Variants in CCDC171 observed in about 807,000 individuals in gnomAD.
The protein encoded by CCDC171 is coiled-coil domain-containing protein 171.
A neutral mutation model predicts 168.2 loss-of-function variants in CCDC171; 177 were observed. The ratio of observed to expected loss-of-function variants is 1.05; its 90% CI spans 0.93 to 1.19. CCDC171 has a LOEUF of 1.19. Ranked by LOEUF, CCDC171 falls within the 50% of genes most tolerant of loss-of-function variation. CCDC171 has a pLI of 0.00. For synonymous variants in CCDC171, 687 were observed against 540.8 expected (o/e 1.27, Z -3.75); for missense variants, 1,991 against 1,539.0 (o/e 1.29, Z -4.91).
At chr9:15,784,399 T>C (rs1472440431) in intron 20 of CCDC171, 110 bp from the exon 21 acceptor site, 5 of 547,088 alleles carry the variant, frequency 9.1e-6, no homozygotes, top group Non-Finnish European at 1.5e-5. Flanking sequence ...TTTTTTAATG[T>C]ATCAAGTGCC....
the CCDC171 span, among the ~76,000 whole-genome samples, chr9:16,074,777 C>G: frequency 6.6e-6 from 1 of 152,014 alleles, no homozygotes; most frequent in Non-Finnish European, 1.5e-5. Flanking sequence ...AAAATAAACT[C>G]AAAATTACTG....
chr9:15,931,065 T>G (rs1826448156), intron 25 of CCDC171, among the ~76,000 whole-genome samples: 1 of 151,750 alleles, frequency 6.6e-6, no homozygotes, highest in Non-Finnish European at 1.5e-5. Flanking sequence ...AGCTATCTCT[T>G]TGACCTACTG....
At chr9:15,679,042 A>G (rs1322754818) in intron 10 of CCDC171, 146 bp downstream of exon 10, 3 of 573,458 alleles carry the variant, frequency 5.2e-6, no homozygotes, top group African/African-American at 4.0e-5. Flanking sequence ...AAAACTGGAA[A>G]TGCTGATTAC....
intron 24 of CCDC171, among the ~76,000 whole-genome samples, chr9:15,888,815 G>A (rs1819785705): frequency 6.6e-6 from 1 of 152,004 alleles, no homozygotes; most frequent in Admixed American, 6.6e-5. Context: ...GTAACTTGAA[G>A]GCAAAACCTG....
intron 3 of CCDC171, among the ~76,000 whole-genome samples, chr9:15,979,692 G>C (rs559721493): frequency 6.6e-6 from 1 of 151,580 alleles, no homozygotes; most frequent in South Asian, 2.1e-4. Flanking sequence ...TCTGGATTCA[G>C]TTTCCTAGGA....
At chr9:16,042,461 C>T (rs577595375), upstream of CCDC171, among the ~76,000 whole-genome samples, 53 of 152,310 alleles carry the variant, frequency 3.5e-4, no homozygotes, top group African/African-American at 1.3e-3. Context: ...AGGCGTTTTG[C>T]TCCCCAGGGA....
intron 1 of CCDC171, among the ~76,000 whole-genome samples, chr9:16,045,468 C>T (rs1266869446): frequency 6.6e-6 from 1 of 152,166 alleles, no homozygotes; most frequent in African/African-American, 2.4e-5. Flanking sequence ...GGTAGCACTC[C>T]TTCCTTCACG....
At chr9:15,702,735 C>A (rs1422773353) in intron 11 of CCDC171, among the ~76,000 whole-genome samples, 1 of 152,200 alleles carries the variant, frequency 6.6e-6, no homozygotes, top group East Asian at 1.9e-4. Flanking sequence ...GGATAACTTG[C>A]TACAGCTTCT....
In CCDC171 at chr9:15,657,115, A is replaced by AATTTTTTT; in HGVS notation, c.823-12_823-11insATTTTTTT. The AATTTTTTT allele has an allele frequency of 6.6e-7, 1 of 1,515,688 alleles. No homozygotes were observed. Among genetic ancestry groups the AATTTTTTT allele is most frequent in the Non-Finnish European group, 9.0e-7 (1 of 1,107,042 alleles). The allele number at this position is 1,515,688 out of a possible 1,614,324, so 93.9% of individuals were successfully genotyped here. On this transcript the variant is annotated splice_polypyrimidine_tract_variant and intron_variant, in intron 7 of 25. Transcript: ENST00000380701. ...CAATGTTTATGAATTTAAACTTTTA[A>AATTTTTTT]TTTGTTTTCAGGCAACTACTCTAAG... is the stretch of plus-strand genomic sequence containing the variant.
chr9:16,079,847 C>A, the CCDC171 span, among the ~76,000 whole-genome samples: 2 of 152,206 alleles, frequency 1.3e-5, no homozygotes, highest in Non-Finnish European at 2.9e-5. Flanking sequence ...GTCCTAGGCA[C>A]TTATATTAAC....
Position 15,820,096 on chromosome 9 carries a change from TA to T in CCDC171, c.3268-26605del, listed in dbSNP as rs1223276875. Among the ~76,000 whole-genome samples the T allele has an allele frequency of 3.3e-4, 39 of 117,526 alleles. 12 individuals are homozygous for T. The highest frequency in any genetic ancestry group is 1.2e-3 in the African/African-American group (39 of 31,258). 77.1% of individuals were successfully genotyped at this position (117,526 alleles called of 152,430 possible). ...AGCCTGCTCCTGAATGACTACTGGG[TA>T]CATAACAAAATGAAGGCAGAAATAA... On this transcript the variant is annotated intron_variant, in intron 21 of 25. Coordinates refer to ENST00000380701, the MANE Select transcript of CCDC171 (RefSeq NM_173550.4).
intron 7 of CCDC171, among the ~76,000 whole-genome samples, chr9:15,652,937 C>G (rs946111352): frequency 3.9e-5 from 6 of 152,104 alleles, no homozygotes; most frequent in Non-Finnish European, 8.8e-5. Flanking sequence ...TCCTGTGGGA[C>G]TGGTATTCTG....
chr9:15,562,499 G>T (rs1030604704), intron 1 of CCDC171, among the ~76,000 whole-genome samples: 1 of 152,134 alleles, frequency 6.6e-6, no homozygotes, highest in Non-Finnish European at 1.5e-5. Flanking sequence ...ATTTGAAGAT[G>T]TTAGGTGCCA....
At chr9:15,655,830 G>C (rs892671140) in intron 7 of CCDC171, among the ~76,000 whole-genome samples, 2 of 152,106 alleles carry the variant, frequency 1.3e-5, no homozygotes, top group African/African-American at 4.8e-5. Context: ...TTAGTCATTG[G>C]GGCAATGCAA....
At chr9:15,567,777 C>G (rs544167579) in intron 2 of CCDC171, among the ~76,000 whole-genome samples, 12 of 152,126 alleles carry the variant, frequency 7.9e-5, no homozygotes, top group African/African-American at 2.9e-4. Context: ...CCTCAGCCTC[C>G]TTAGTAGCTA....
chr9:15,822,030 A>G (rs1409015904), intron 21 of CCDC171, among the ~76,000 whole-genome samples: 2 of 152,232 alleles, frequency 1.3e-5, no homozygotes, highest in Non-Finnish European at 2.9e-5. Flanking sequence ...ATAATGCTGC[A>G]TATCTACAAC....
the CCDC171 span, among the ~76,000 whole-genome samples, chr9:16,071,514 GT>G: frequency 2.1e-5 from 3 of 140,672 alleles, no homozygotes; most frequent in Non-Finnish European, 4.6e-5. Context: ...CCACAGTTGT[GT>G]TTTTGCTTAG....
intron 24 of CCDC171, among the ~76,000 whole-genome samples, chr9:15,906,996 G>A (rs1180698227): frequency 3.3e-5 from 5 of 152,090 alleles, no homozygotes; most frequent in African/African-American, 4.8e-5. Flanking sequence ...ACTGCTCAAT[G>A]AAATAAAAGA....
intron 7 of CCDC171, among the ~76,000 whole-genome samples, chr9:15,648,924 G>A (rs920292939): frequency 1.3e-5 from 2 of 152,324 alleles, no homozygotes. Flanking sequence ...AACCAGAAAA[G>A]AGACCGCATT....
Sources: allele counts gnomAD v4.1 joint callset (sites outside exome capture counted in the v4.1 genomes callset), GRCh38; gene constraint gnomAD v4.1.1; transcripts MANE v1.5; gene names NCBI Gene and HGNC (gene_info 2026-07-23, HGNC 2026-07-21).